NEB: variants seen among roughly 807,000 people sequenced by gnomAD.
The protein encoded by NEB is nebulin.
NEB carries 512 observed loss-of-function variants against 952.2 expected under a neutral mutation model. The ratio of observed to expected loss-of-function variants is 0.54; its 90% CI spans 0.50 to 0.58. The LOEUF (loss-of-function observed/expected upper bound fraction) is 0.58, where lower values mean the gene tolerates loss of function less well. Ranked by LOEUF, NEB falls within the 20% of genes least tolerant of loss-of-function variation. The pLI, the probability that NEB is intolerant of heterozygous loss-of-function variation, is 0.00. For synonymous variants in NEB, 2,900 were observed against 3,149.8 expected, an observed-to-expected ratio of 0.92 and a Z score of 2.66; for missense variants, 8,428 against 9,231.1, an observed-to-expected ratio of 0.91 and a Z score of 3.56.
intron 28 of NEB, among the ~76,000 whole-genome samples, chr2:151,683,142 T>C (rs2099439082): frequency 6.6e-6 from 1 of 152,206 alleles, no homozygotes; most frequent in African/African-American, 2.4e-5. Flanking sequence ...CAAATTAAAA[T>C]AGAAGGCCAC....
chr2:151,498,366 A>C lies in NEB; in HGVS notation c.24115-14T>G, dbSNP rs1172232563. 6.6e-7 allele frequency: 1 copy of C among 1,520,916 alleles called. No individual in the cohort carries two copies. The highest frequency in any genetic ancestry group is 2.0e-5 in the Admixed American group (1 of 49,610). 94.2% of individuals were successfully genotyped at this position (1,520,916 alleles called of 1,614,324 possible). A position where few individuals can be genotyped will look rare whatever the true frequency, so the allele number is the denominator to read the frequency against. The stretch of plus-strand genomic sequence containing the variant: ...TTTGTATAGCACCTGTATGATGAGA[A>C]AGCATCCAGAACAAAAAAAGCAATC... On this transcript the variant is annotated splice_polypyrimidine_tract_variant and intron_variant, in intron 169 of 181. Transcript: ENST00000397345.
At chr2:151,524,657 T>TTA in intron 151 of NEB, 41 bp from the exon 152 acceptor site, 1 of 476,158 alleles carries the variant, frequency 2.1e-6, no homozygotes, top group East Asian at 6.1e-5. Context: ...AGAGAGGCTT[T>TTA]TTTTTTTTTT....
chr2:151,498,493 G>T, intron 169 of NEB, 141 bp from the exon 170 acceptor site: 1 of 609,724 alleles, frequency 1.6e-6, no homozygotes, highest in South Asian at 2.4e-5. Context: ...GACTCAACCT[G>T]TTTGTTTGAG....
Position 151,606,602 on chromosome 2 carries a change from G to A in NEB, c.12747+4C>T, listed in dbSNP as rs1436792470. ...AAACCACAAGAAAAGAGAAGGAAGC[G>A]TACCTCACTGGCAATTTCTCTGGAG... On this transcript the variant is annotated splice_donor_region_variant and intron_variant, in intron 84 of 181. Coordinates refer to ENST00000397345, the MANE Select transcript of NEB (RefSeq NM_001164508.2). The A allele has an allele frequency of 6.7e-6, 5 of 745,660 alleles. 1 individual carries two copies. Among genetic ancestry groups the A allele is most frequent in the African/African-American group, 4.6e-5 (3 of 64,638 alleles). 46.2% of individuals were successfully genotyped at this position (745,660 alleles called of 1,614,324 possible).
At chr2:151,534,150 T>G in intron 142 of NEB, 15 of 1,149,976 alleles carry the variant, frequency 1.3e-5, no homozygotes, top group Non-Finnish European at 1.8e-5. Context: ...GCAGACGGGA[T>G]GACATCTCAT....
At chr2:151,658,713 A>G (rs2154156020) in intron 47 of NEB, among the ~76,000 whole-genome samples, 1 of 152,240 alleles carries the variant, frequency 6.6e-6, no homozygotes, top group South Asian at 2.1e-4. Context: ...AACCATCTCA[A>G]AGGCTTGATG....
intron 153 of NEB, among the ~76,000 whole-genome samples, chr2:151,520,808 G>A (rs907199999): frequency 6.6e-6 from 1 of 152,190 alleles, no homozygotes; most frequent in Admixed American, 6.5e-5. Context: ...AGGCTGCAGT[G>A]AGTCAGGATC....
rs761648965 is a variant in NEB at position 151,562,782 on chromosome 2, A to G, written c.18720T>C (p.Asp6240=). The change falls in exon 120 of 182, where the codon GAT becomes GAC. Residue 6240 remains aspartate, a synonymous_variant. Transcript: ENST00000397345. ...TGGGGATATGAACATTTGCTTTGGT[A>G]TCCTCATAATGTTTTCTGTAGTTCA... ...SALNYRKHYE[D]TKANVHIPND... The G allele has an allele frequency of 6.3e-7, 1 of 1,580,990 alleles. No homozygotes were observed. The highest frequency in any genetic ancestry group is 2.3e-5 in the East Asian group (1 of 43,794).
chr2:151,694,724 T>C, intron 18 of NEB, 95 bp from the exon 19 acceptor site: 1 of 908,022 alleles, frequency 1.1e-6, no homozygotes, highest in Non-Finnish European at 1.7e-6. Flanking sequence ...TATCTTAATA[T>C]AAAATAAATG....
In NEB at chr2:151,518,378, G is replaced by A. The variant is rs769553483; in HGVS notation, c.22740C>T (p.His7580=). Residue 7580 remains histidine (H), a synonymous_variant, in exon 156 of 182, where the codon CAC becomes CAT. Transcript: ENST00000397345. The stretch of plus-strand genomic sequence containing the variant: ...GCTGCTCCAGATTATCGGGTATGGT[G>A]TGGTAGTGGCCTTTACTCTTCTCAT... The part of the protein sequence containing the change: ...KKYEKSKGHY[H]TIPDNLEQLH... 2 of 1,612,568 alleles carry A rather than the reference G, an allele frequency of 1.2e-6. No individual in the cohort carries two copies. Among genetic ancestry groups the A allele is most frequent in the Non-Finnish European group, 1.7e-6 (2 of 1,178,666 alleles).
chr2:151,522,617 C>T (rs1361162656), intron 153 of NEB, among the ~76,000 whole-genome samples: 2 of 152,166 alleles, frequency 1.3e-5, no homozygotes, highest in African/African-American at 4.8e-5. Context: ...TCTACACGTT[C>T]CAACACAAAA....
chr2:151,516,574 A>G lies in NEB; in HGVS notation c.22801-11T>C. 6.4e-7 allele frequency: 1 copy of G among 1,556,844 alleles called. No individual in the cohort carries two copies. The highest frequency in any genetic ancestry group is 8.8e-7 in the Non-Finnish European group (1 of 1,130,854). On this transcript the variant is annotated splice_polypyrimidine_tract_variant and intron_variant, in intron 156 of 181. Coordinates refer to ENST00000397345, the MANE Select transcript of NEB (RefSeq NM_001164508.2). ...TTCTTTGTATTTCACCTGGTGATAGAAAGCCATGTTAGATATCTCTCCTCT... is the reference window on the plus strand; with the variant it reads ...TTCTTTGTATTTCACCTGGTGATAGGAAGCCATGTTAGATATCTCTCCTCT...
intron 140 of NEB, 34 bp from the exon 141 acceptor site, chr2:151,537,270 A>C: frequency 1.5e-6 from 2 of 1,333,222 alleles, no homozygotes; most frequent in Non-Finnish European, 2.2e-6. Flanking sequence ...AGTTCTAAGA[A>C]GCCATCTCCA....
chr2:151,733,529 T>G (rs973843741), intron 2 of NEB, among the ~76,000 whole-genome samples, 183 bp downstream of exon 2: 3 of 152,126 alleles, frequency 2.0e-5, no homozygotes, highest in Admixed American at 6.5e-5. Flanking sequence ...CAGCAAAAAT[T>G]TTAGTGAAAG....
At chr2:151,570,954 T>A (rs1458153180) in intron 107 of NEB, among the ~76,000 whole-genome samples, 1 of 152,206 alleles carries the variant, frequency 6.6e-6, no homozygotes, top group Non-Finnish European at 1.5e-5. Flanking sequence ...TAACTGGGTA[T>A]CCACCACCTC....
chr2:151,672,501 G>T lies in NEB; in HGVS notation c.4167C>A (p.Ser1389Arg). 6.2e-7 allele frequency: 1 copy of T among 1,614,000 alleles called. No homozygotes were observed. Among genetic ancestry groups the T allele is most frequent in the African/African-American group, 1.3e-5 (1 of 75,044 alleles). ...TSYHTPGDMV[S>R]ITAAKMAQDV... ...CCTGGGCCATCTTTGCAGCTGTGATGCTAACCATGTCCCCAGGGGTATGGT... is the reference window on the plus strand; with the variant it reads ...CCTGGGCCATCTTTGCAGCTGTGATTCTAACCATGTCCCCAGGGGTATGGT... The change falls in exon 37 of 182, where the codon AGC becomes AGA. Residue 1389 changes from serine (S) to arginine (R), a missense_variant. Ser to Arg is a moderately radical substitution (Grantham distance 110). Around this residue, in one of 11 missense-constraint regions of NEB, gnomAD observed 2,851 missense variants for 2,791.5 expected, o/e 1.02. Transcript: ENST00000397345.
rs141657883 is a variant in NEB, at chr2:151,655,011, A to AATTT, written c.6807+258_6807+259insAAAT. ...TGTTTGATGCAATTTTTTTTCAACA[A>AATTT]TTTTCTATTGATTTCCTGCTTGGTA... is the stretch of plus-strand genomic sequence containing the variant. On this transcript the variant is annotated intron_variant, in intron 51 of 181. Transcript: ENST00000397345. 4.5e-3 allele frequency among the ~76,000 whole-genome samples: 679 copies of AATTT among 152,124 alleles called. 3 individuals carry two copies. Among genetic ancestry groups the AATTT allele is most frequent in the African/African-American group, 0.015 (636 of 41,506 alleles).
intron 73 of NEB, 140 bp from the exon 74 acceptor site, chr2:151,618,618 A>T (rs1252733071): frequency 1.2e-6 from 1 of 855,606 alleles, no homozygotes; most frequent in East Asian, 2.7e-5. Context: ...ACTCACGCAC[A>T]TTATTGAATC....
chr2:151,519,962 A>T (rs1460974966), intron 153 of NEB, 194 bp from the exon 154 acceptor site: 1 of 453,702 alleles, frequency 2.2e-6, no homozygotes, highest in African/African-American at 2.0e-5. Flanking sequence ...CAGGCATTCA[A>T]ATATATGATC....
Sources: allele counts gnomAD v4.1 joint callset (sites outside exome capture counted in the v4.1 genomes callset), GRCh38; gene constraint gnomAD v4.1.1; regional missense constraint gnomAD v4.1.1; transcripts MANE v1.5; gene names NCBI Gene and HGNC (gene_info 2026-07-23, HGNC 2026-07-21).